Variants in DST observed in about 807,000 individuals in gnomAD.
The protein encoded by DST is bullous pemphigoid antigen.
In DST, 253 loss-of-function variants were observed where a neutral mutation model predicts 875.2. The observed-to-expected ratio is 0.29, with a 90% CI of 0.26 to 0.32. The LOEUF is 0.32. Among genes scored for constraint, DST ranks in the 10% least tolerant of loss-of-function variants. DST has a pLI of 1.00. For missense variants in DST, 8,287 were observed against 9,111.6 expected (o/e 0.91, Z 3.68); for synonymous variants, 3,124 against 3,197.1 (o/e 0.98, Z 0.77).
chr6:56,563,300 CT>C (rs1342308983), intron 55 of DST, among the ~76,000 whole-genome samples: 4 of 152,178 alleles, frequency 2.6e-5, no homozygotes, highest in African/African-American at 9.7e-5. Context: ...GAGATGGTAC[CT>C]CATTGTGGTT....
chr6:56,929,589 A>C (rs1190383325), intron 2 of DST, among the ~76,000 whole-genome samples: 1 of 151,984 alleles, frequency 6.6e-6, no homozygotes, highest in Non-Finnish European at 1.5e-5. Flanking sequence ...AGAAATAAAA[A>C]ACAAGAATGA....
intron 4 of DST, among the ~76,000 whole-genome samples, chr6:56,795,331 TA>T (rs1437403549): frequency 6.6e-6 from 1 of 151,860 alleles, no homozygotes; most frequent in Non-Finnish European, 1.5e-5. Context: ...AGGAAAAAGT[TA>T]CAGAAAATCA....
At chr6:56,555,045 T>G (rs918150627) in intron 60 of DST, among the ~76,000 whole-genome samples, 1 of 152,332 alleles carries the variant, frequency 6.6e-6, no homozygotes, top group African/African-American at 2.4e-5. Flanking sequence ...TAAATAAGAC[T>G]TTCATACAGC....
At chr6:56,551,453 T>A (rs2097320093) in intron 61 of DST, among the ~76,000 whole-genome samples, 1 of 152,196 alleles carries the variant, frequency 6.6e-6, no homozygotes, top group Non-Finnish European at 1.5e-5. Context: ...TAAACCTATC[T>A]TTGTCCCCTA....
intron 4 of DST, among the ~76,000 whole-genome samples, chr6:56,782,309 T>A (rs2099695779): frequency 6.6e-6 from 1 of 152,238 alleles, no homozygotes; most frequent in Non-Finnish European, 1.5e-5. Flanking sequence ...TACCAGCTCC[T>A]CCTTGTACCT....
At position 56,614,193 on chromosome 6, in the gene DST, G is replaced by C. The variant is rs78458533; in HGVS notation, c.5058+163C>G. Reference sequence around the variant, plus strand: ...GCTTCTTCTGCCACACACTAACTTTGATTCTTTGGGCAAGTTATTTAATCT... The same window carrying C: ...GCTTCTTCTGCCACACACTAACTTTCATTCTTTGGGCAAGTTATTTAATCT... On this transcript the variant is annotated intron_variant, in intron 37 of 103. Transcript: ENST00000680361. 2.3e-3 allele frequency among the ~76,000 whole-genome samples: 347 copies of C among 152,252 alleles called. 1 individual carries two copies. Among genetic ancestry groups the C allele is most frequent in the African/African-American group, 8.1e-3 (335 of 41,556 alleles).
chr6:56,488,673 C>T (rs1216067385), intron 86 of DST, among the ~76,000 whole-genome samples: 1 of 152,132 alleles, frequency 6.6e-6, no homozygotes, highest in African/African-American at 2.4e-5. Context: ...CCCAATTTTT[C>T]CAGCCTTTAA....
intron 4 of DST, among the ~76,000 whole-genome samples, chr6:56,779,784 T>C (rs2099688431): frequency 6.6e-6 from 1 of 151,250 alleles, no homozygotes; most frequent in Non-Finnish European, 1.5e-5. Flanking sequence ...TGCAGGTTAG[T>C]TACATATGTA....
chr6:56,704,634 C>T (rs1190706883), intron 5 of DST, among the ~76,000 whole-genome samples: 1 of 152,206 alleles, frequency 6.6e-6, no homozygotes, highest in Non-Finnish European at 1.5e-5. Context: ...TGGACTACTA[C>T]ATGGGGTTAC....
intron 61 of DST, among the ~76,000 whole-genome samples, chr6:56,547,982 T>C (rs148986094): frequency 6.6e-6 from 1 of 152,226 alleles, no homozygotes; most frequent in Admixed American, 6.5e-5. Context: ...GATGTACTCA[T>C]TTGTGGGGAC....
Position 56,605,856 on chromosome 6 carries a change from G to T in DST, c.8772C>A (p.Ile2924=). Residue 2924 remains isoleucine, a synonymous_variant, in exon 40 of 104, where the codon ATC becomes ATA. Coordinates refer to ENST00000680361, the MANE Select transcript of DST (RefSeq NM_001374736.1). ...EMVLKDVLPP[I]IKDTESEKTF... is the part of the protein sequence containing the mutation. ...TTTTTTCAGATTCAGTGTCTTTAATGATAGGCGGCAATACATCCTTAAGTA... is the reference window on the plus strand; with the variant it reads ...TTTTTTCAGATTCAGTGTCTTTAATTATAGGCGGCAATACATCCTTAAGTA... The T allele has an allele frequency of 6.2e-7, 1 of 1,612,426 alleles. No homozygotes were observed. Among genetic ancestry groups the T allele is most frequent in the South Asian group, 1.1e-5 (1 of 91,006 alleles).
chr6:56,773,291 T>TA (rs1481907554), intron 4 of DST, among the ~76,000 whole-genome samples: 1 of 152,172 alleles, frequency 6.6e-6, no homozygotes, highest in Non-Finnish European at 1.5e-5. Context: ...TTCTTTTTTT[T>TA]AGCCTCTTGG....
At chr6:56,943,182 G>A (rs1399809066) in intron 2 of DST, among the ~76,000 whole-genome samples, 1 of 152,058 alleles carries the variant, frequency 6.6e-6, no homozygotes, top group Non-Finnish European at 1.5e-5. Flanking sequence ...GCTTATGACA[G>A]TTAAAGCAAT....
chr6:56,862,803 G>A (rs776918002), intron 3 of DST, among the ~76,000 whole-genome samples: 8 of 152,270 alleles, frequency 5.3e-5, no homozygotes, highest in Non-Finnish European at 8.8e-5. Flanking sequence ...GAGGAAGGTA[G>A]GGCTGAGGCT....
intron 4 of DST, among the ~76,000 whole-genome samples, chr6:56,814,809 A>G (rs1290153067): frequency 6.6e-6 from 1 of 152,238 alleles, no homozygotes; most frequent in East Asian, 1.9e-4. Context: ...GAATCAAAAT[A>G]TTATTGAACA....
At chr6:56,645,772 C>A in intron 15 of DST, 94 bp downstream of exon 15, 1 of 1,424,440 alleles carries the variant, frequency 7.0e-7, no homozygotes, top group South Asian at 1.3e-5. Context: ...TTATCCAAGG[C>A]CAAGTAAACA....
intron 32 of DST, 80 bp downstream of exon 32, chr6:56,629,170 C>A: frequency 7.2e-7 from 1 of 1,381,512 alleles, no homozygotes; most frequent in Non-Finnish European, 1.0e-6. Context: ...AAAAAAATAG[C>A]CTCATATGTG....
intron 4 of DST, among the ~76,000 whole-genome samples, chr6:56,743,216 A>G (rs947709968): frequency 6.6e-6 from 1 of 152,152 alleles, no homozygotes; most frequent in African/African-American, 2.4e-5. Context: ...CTTGTCTGAA[A>G]CGTTAGACCA....
intron 5 of DST, among the ~76,000 whole-genome samples, chr6:56,727,891 C>T (rs1355824996): frequency 2.6e-5 from 4 of 152,220 alleles, no homozygotes; most frequent in African/African-American, 9.6e-5. Flanking sequence ...AATCTCAGCT[C>T]TGCCAACATT....
Sources: gnomAD v4.1 joint callset for allele counts (sites outside exome capture counted in the v4.1 genomes callset) on GRCh38, gnomAD v4.1.1 for gene constraint, MANE v1.5 for transcripts, NCBI Gene and HGNC (gene_info 2026-07-23, HGNC 2026-07-21) for gene names.